Variants in TEX10 observed in about 807,000 individuals in gnomAD.
TEX10 encodes testis expressed 10, also known as testis-expressed protein 10.
In TEX10, 24 loss-of-function variants were observed where a neutral mutation model predicts 104.4. That is an observed-to-expected ratio of 0.23 (90% CI 0.17 to 0.32). The LOEUF (loss-of-function observed/expected upper bound fraction) is 0.32, where lower values mean the gene tolerates loss of function less well. Among genes scored for constraint, TEX10 ranks in the 10% least tolerant of loss-of-function variants. The pLI is 1.00. For missense variants in TEX10, 921 were observed against 1,083.9 expected (o/e 0.85, Z 2.11); for synonymous variants, 396 against 393.4 (o/e 1.01, Z -0.08).
rs1209893312 is a variant in TEX10 at position 100,330,120 on chromosome 9, T to G, written c.1300A>C (p.Asn434His). 1 of 1,613,982 alleles carries G rather than the reference T, an allele frequency of 6.2e-7. No homozygotes were observed. Among genetic ancestry groups the G allele is most frequent in the Non-Finnish European group, 8.5e-7 (1 of 1,179,942 alleles). Reference sequence around the variant, plus strand: ...ACCATGATATCAGACAGTGTTAAATTCAGTAAGAGATGATCTATGTTATTG... The same window carrying G: ...ACCATGATATCAGACAGTGTTAAATGCAGTAAGAGATGATCTATGTTATTG... ...LSNNIDHLLL[N>H]LTLSDIMVSL... Residue 434 changes from asparagine to histidine, a missense_variant, in exon 6 of 15, where the codon AAT (asparagine) becomes CAT (histidine). Transcript: ENST00000374902.
intron 5 of TEX10, among the ~76,000 whole-genome samples, chr9:100,339,431 C>G (rs1376055150): frequency 1.3e-5 from 2 of 149,424 alleles, no homozygotes; most frequent in Non-Finnish European, 3.0e-5. Flanking sequence ...AAATCTGATC[C>G]TCTCTATCAC....
intron 11 of TEX10, among the ~76,000 whole-genome samples, chr9:100,313,513 CAA>C (rs34520951): frequency 4.0e-4 from 44 of 108,844 alleles, no homozygotes; most frequent in Middle Eastern, 5.1e-3. Context: ...GAAACTTGGT[CAA>C]AAAAAAAAAA....
intron 4 of TEX10, 139 bp downstream of exon 4, chr9:100,345,929 AAAAC>A (rs1354239283): frequency 2.9e-5 from 24 of 819,602 alleles, no homozygotes; most frequent in Middle Eastern, 3.8e-4. Context: ...AGTTTTGTGC[AAAAC>A]AAACAAGTTT....
rs377562496 is a variant in TEX10, at chr9:100,336,024, G to A, written c.1250+4233C>T. 1.3e-4 allele frequency among the ~76,000 whole-genome samples: 19 copies of A among 151,630 alleles called. No homozygotes were observed. In the East Asian group the frequency reaches 2.5e-3, roughly 20 times the overall value. On this transcript the variant is annotated intron_variant, in intron 5 of 14. Coordinates refer to ENST00000374902, the MANE Select transcript of TEX10 (RefSeq NM_017746.4). ...CTCTACTAGATACAAAAAATTAGCC[G>A]GGCATAGTGGCACATGCCTATAATC... is the stretch of plus-strand genomic sequence containing the variant.
chr9:100,349,776 T>C (rs1233609559), intron 1 of TEX10, among the ~76,000 whole-genome samples: 2 of 152,170 alleles, frequency 1.3e-5, no homozygotes, highest in Non-Finnish European at 2.9e-5. Context: ...GGAACTTCTC[T>C]AGCAATACCA....
chr9:100,317,055 GACA>G (rs1393599849), intron 11 of TEX10, among the ~76,000 whole-genome samples: 4 of 152,010 alleles, frequency 2.6e-5, no homozygotes, highest in Non-Finnish European at 5.9e-5. Flanking sequence ...TCGTTAAAAT[GACA>G]ACACTAACCA....
chr9:100,349,670 G>A (rs201963720), intron 1 of TEX10, among the ~76,000 whole-genome samples: 1 of 146,764 alleles, frequency 6.8e-6, no homozygotes, highest in Non-Finnish European at 1.5e-5. Context: ...TTTTTTTTTT[G>A]TTTTCCTTTG....
chr9:100,341,434 T>C (rs1835168341), intron 4 of TEX10, among the ~76,000 whole-genome samples: 1 of 152,188 alleles, frequency 6.6e-6, no homozygotes, highest in Non-Finnish European at 1.5e-5. Flanking sequence ...CTGACAAGCA[T>C]CTTAAAACTT....
chr9:100,333,233 G>A (rs1312087301), intron 5 of TEX10, among the ~76,000 whole-genome samples: 1 of 151,940 alleles, frequency 6.6e-6, no homozygotes, highest in Non-Finnish European at 1.5e-5. Flanking sequence ...AAAAGGGCTG[G>A]GATTACAGGT....
chr9:100,346,439 CA>C, intron 3 of TEX10, 124 bp from the exon 4 acceptor site: 1 of 1,169,380 alleles, frequency 8.6e-7, no homozygotes, highest in Non-Finnish European at 1.2e-6. Context: ...TTACATCAAT[CA>C]AAACTAGTAA....
intron 11 of TEX10, among the ~76,000 whole-genome samples, chr9:100,311,186 C>T (rs1834272229): frequency 6.6e-6 from 1 of 151,796 alleles, no homozygotes; most frequent in African/African-American, 2.4e-5. Flanking sequence ...TGCTCAAGCC[C>T]AGGAGTTTGA....
chr9:100,329,398 T>G, intron 6 of TEX10, 123 bp from the exon 7 acceptor site: 1 of 1,090,632 alleles, frequency 9.2e-7, no homozygotes, highest in Non-Finnish European at 1.3e-6. Context: ...TAGCCACAAA[T>G]AGACAACTAC....
At chr9:100,352,599 G>A in intron 1 of TEX10, 173 bp downstream of exon 1, 2 of 1,495,254 alleles carry the variant, frequency 1.3e-6, no homozygotes, top group South Asian at 1.3e-5. Flanking sequence ...CCCCCGCAGT[G>A]CCGGCCGCAC....
chr9:100,311,745 G>C (rs1042419091), intron 11 of TEX10, among the ~76,000 whole-genome samples: 5 of 152,078 alleles, frequency 3.3e-5, no homozygotes, highest in African/African-American at 1.2e-4. Context: ...AACAAGAAGA[G>C]TCAAGAACAG....
chr9:100,328,641 C>G (rs1834768698), intron 7 of TEX10, among the ~76,000 whole-genome samples: 1 of 152,180 alleles, frequency 6.6e-6, no homozygotes, highest in South Asian at 2.1e-4. Flanking sequence ...TATCCCAAAT[C>G]TGTATCTTCC....
At chr9:100,332,920 A>G (rs1834904923) in intron 5 of TEX10, among the ~76,000 whole-genome samples, 1 of 152,196 alleles carries the variant, frequency 6.6e-6, no homozygotes, top group South Asian at 2.1e-4. Context: ...AAAAGCTGCA[A>G]AACTAAGGCA....
intron 13 of TEX10, chr9:100,307,957 CA>C (rs907561762): frequency 1.3e-5 from 2 of 152,046 alleles, no homozygotes; most frequent in African/African-American, 4.8e-5. Flanking sequence ...AATGGGCACA[CA>C]AATAAGAACA....
At chr9:100,323,684 G>A (rs1181769314) in intron 9 of TEX10, among the ~76,000 whole-genome samples, 1 of 152,186 alleles carries the variant, frequency 6.6e-6, no homozygotes, top group Non-Finnish European at 1.5e-5. Flanking sequence ...TCTAGCTGAT[G>A]GGTTTTTAAC....
intron 5 of TEX10, among the ~76,000 whole-genome samples, chr9:100,335,300 TCAAG>T (rs2118903636): frequency 6.6e-6 from 1 of 152,226 alleles, no homozygotes; most frequent in South Asian, 2.1e-4. Flanking sequence ...TCTTCAGGGA[TCAAG>T]CAATTTTCCT....
Sources: gnomAD v4.1 joint callset for allele counts (sites outside exome capture counted in the v4.1 genomes callset) on GRCh38, gnomAD v4.1.1 for gene constraint, MANE v1.5 for transcripts, NCBI Gene and HGNC (gene_info 2026-07-23, HGNC 2026-07-21) for gene names.